Variants in KCNH2 observed in about 807,000 individuals in gnomAD.
KCNH2 encodes voltage-gated inwardly rectifying potassium channel KCNH2.
In KCNH2, 35 loss-of-function variants were observed where a neutral mutation model predicts 95.9. That is an observed-to-expected ratio of 0.37 (90% CI 0.28 to 0.48). KCNH2 has a LOEUF of 0.48. Among genes scored for constraint, KCNH2 ranks in the 20% least tolerant of loss-of-function variants. The pLI is 0.99. For missense variants in KCNH2, 1,274 were observed against 1,702.9 expected, an observed-to-expected ratio of 0.75 and a Z score of 4.43; for synonymous variants, 786 against 754.7, an observed-to-expected ratio of 1.04 and a Z score of -0.68.
chr7:150,955,800 C>T (rs1801353171), intron 5 of KCNH2: 2 of 1,161,866 alleles, frequency 1.7e-6, no homozygotes, highest in Non-Finnish European at 2.1e-6. Context: ...GCAGCGGCCG[C>T]ACTCGGAACC....
In KCNH2 at chr7:150,974,862, G is replaced by C. The variant is rs754921704; in HGVS notation, c.156C>G (p.Cys52Trp). The C allele has an allele frequency of 2.3e-5, 37 of 1,610,950 alleles. 1 individual carries two copies. The South Asian group carries it at 4.1e-4, about 18-fold the overall frequency. ...IYCNDGFCELCGYSRAEVMQR... is the reference protein window; with the variant it reads ...IYCNDGFCELWGYSRAEVMQR... Reference sequence around the variant, plus strand: ...GCATCACCTCGGCCCGCGAGTAGCCGCACAGCTCGCAGAAGCCGTCGTTGC... The same window carrying C: ...GCATCACCTCGGCCCGCGAGTAGCCCCACAGCTCGCAGAAGCCGTCGTTGC... Residue 52 changes from cysteine (C) to tryptophan (W), a missense_variant, in exon 2 of 15, where the codon TGC becomes TGG. This residue lies in a region of KCNH2 where 85 missense variants were observed against 174.7 expected (regional missense o/e 0.49). Coordinates refer to ENST00000262186, the MANE Select transcript of KCNH2 (RefSeq NM_000238.4).
chr7:150,945,729 GA>G lies in KCNH2; in HGVS notation c.3331-216del, dbSNP rs1800866088. On this transcript the variant is annotated intron_variant, in intron 14 of 14. Coordinates refer to ENST00000262186, the MANE Select transcript of KCNH2 (RefSeq NM_000238.4). This position sits in a 1 kb window ranked among gnomAD's most constrained non-coding sequence, Gnocchi z 5.6. ...GGGAGGCACCAAGGTGGGAAGTAGA[GA>G]AAGGCATTCTCTGAGAGCAGGAGCC... Among the ~76,000 whole-genome samples the G allele has an allele frequency of 6.6e-6, 1 of 152,194 alleles. No individual in the cohort carries two copies. Among genetic ancestry groups the G allele is most frequent in the South Asian group, 2.1e-4 (1 of 4,828 alleles).
intron 5 of KCNH2, among the ~76,000 whole-genome samples, chr7:150,956,374 C>G (rs978141766): frequency 2.6e-5 from 4 of 152,186 alleles, no homozygotes; most frequent in Non-Finnish European, 5.9e-5. Flanking sequence ...GGTAGCAGGG[C>G]AGCTCCCTTA....
chr7:150,958,048 G>A lies in KCNH2; in HGVS notation c.916+11C>T, dbSNP rs1801435899. 2 of 1,263,618 alleles carry A rather than the reference G, an allele frequency of 1.6e-6. No homozygotes were observed. The highest frequency in any genetic ancestry group is 2.0e-6 in the Non-Finnish European group (2 of 1,008,130). The allele number at this position is 1,263,618 out of a possible 1,614,324, so 78.3% of individuals were successfully genotyped here. On this transcript the variant is annotated intron_variant, in intron 4 of 14. Transcript: ENST00000262186. ...TGGGCTGGGGCGGAACGGGTCCCGC[G>A]GCGCCCTCACCGGTGCTGGCGTGGC...
At position 150,957,484 on chromosome 7, in the gene KCNH2, C is replaced by T. The variant is rs747313232; in HGVS notation, c.935G>A (p.Arg312His). The change falls in exon 5 of 15, where the codon CGC becomes CAC. Residue 312 changes from arginine (R) to histidine (H), a missense_variant. This residue lies in a region of KCNH2 where 392 missense variants were observed against 429.9 expected (regional missense o/e 0.91). Coordinates refer to ENST00000262186, the MANE Select transcript of KCNH2 (RefSeq NM_000238.4). Reference sequence around the variant, plus strand: ...CGAGGTGGAGTTGAGCAAGCCGCTGCGCAGTGGGTGCATGGCCCCTAGGTG... The same window carrying T: ...CGAGGTGGAGTTGAGCAAGCCGCTGTGCAGTGGGTGCATGGCCCCTAGGTG... ...HASTGAMHPLRSGLLNSTSDS... is the reference protein window; with the variant it reads ...HASTGAMHPLHSGLLNSTSDS... The T allele has an allele frequency of 2.5e-5, 40 of 1,613,634 alleles. No homozygotes were observed. The highest frequency in any genetic ancestry group is 6.7e-5 in the Admixed American group (4 of 60,010).
At position 150,949,408 on chromosome 7, in the gene KCNH2, A is replaced by ATTT. The variant is rs1035990140; in HGVS notation, c.2399-362_2399-360dup. On this transcript the variant is annotated intron_variant, in intron 9 of 14. Coordinates refer to ENST00000262186, the MANE Select transcript of KCNH2 (RefSeq NM_000238.4). ...AACACAGTAGTGAATCAAAACCAGCATTTTTTTTTTTTTTTTTTTTTTTTT... is the reference window on the plus strand; with the variant it reads ...AACACAGTAGTGAATCAAAACCAGCATTTTTTTTTTTTTTTTTTTTTTTTTTTT... The ATTT allele has an allele frequency of 5.8e-3, 2,172 of 374,372 alleles. 2 individuals are homozygous for ATTT. The highest frequency in any genetic ancestry group is 6.5e-3 in the Non-Finnish European group (1,840 of 281,600). 23.2% of individuals were successfully genotyped at this position (374,372 alleles called of 1,614,324 possible).
intron 2 of KCNH2, among the ~76,000 whole-genome samples, chr7:150,965,316 C>A (rs562761600): frequency 2.6e-5 from 4 of 152,300 alleles, no homozygotes; most frequent in Non-Finnish European, 5.9e-5. Flanking sequence ...ATGTGGCATG[C>A]CTGAGCCATC....
At chr7:150,951,370 G>A (rs997830394) in intron 7 of KCNH2, 78 bp downstream of exon 7, 2 of 1,577,084 alleles carry the variant, frequency 1.3e-6, no homozygotes, top group African/African-American at 1.3e-5. Flanking sequence ...CTCTGGCCCG[G>A]CTAGCAGCCT....
chr7:150,950,399 A>C lies in KCNH2; in HGVS notation c.2167T>G (p.Cys723Gly), dbSNP rs199472987. The change falls in exon 9 of 15, where the codon TGC (cysteine) becomes GGC (glycine). Residue 723 changes from cysteine (C) to glycine (G), a missense_variant. Cys to Gly is a radical substitution (Grantham distance 159). Transcript: ENST00000262186. ...TGCAGGCAGATGTCAGCCTGCAGGC[A>C]CTCAGGGAAGCCCTTCAGCACCTGG... ...MNAVLKGFPECLQADICLHLN... is the reference protein window; with the variant it reads ...MNAVLKGFPEGLQADICLHLN... The C allele has an allele frequency of 2.5e-6, 4 of 1,611,794 alleles. No homozygotes were observed. The highest frequency in any genetic ancestry group is 3.4e-6 in the Non-Finnish European group (4 of 1,179,874).
rs794728466 is a variant in KCNH2 at position 150,947,370 on chromosome 7, TCGCCCCGGGGC to T, written c.3099_3109del (p.Pro1034ArgfsTer81). ...GAGGGCATCCAGCCTGCTCTCCACG[TCGCCCCGGGGC>T]CGCCGACCCGGGCTGGAGAGGGGGA... On this transcript the variant is annotated frameshift_variant, in exon 13 of 15. Coordinates refer to ENST00000262186, the MANE Select transcript of KCNH2 (RefSeq NM_000238.4). LOFTEE classifies it high-confidence loss of function. 3.9e-6 allele frequency: 6 copies of T among 1,546,550 alleles called. No individual in the cohort carries two copies. Among genetic ancestry groups the T allele is most frequent in the Non-Finnish European group, 5.2e-6 (6 of 1,146,878 alleles).
At position 150,977,938 on chromosome 7, in the gene KCNH2, G is replaced by GGGCCCCCACCCACCCC; in HGVS notation, c.-41_-26dup. 1.9e-6 allele frequency: 3 copies of GGGCCCCCACCCACCCC among 1,559,016 alleles called. No homozygotes were observed. The highest frequency in any genetic ancestry group is 2.6e-6 in the Non-Finnish European group (3 of 1,151,512). ...TCCTGAGCCCATGGGCGGGCCGGGC[G>GGGCCCCCACCCACCCC]GGCCCCCACCCACCCCGGCCCGGCC... On this transcript the variant is annotated 5_prime_UTR_variant, in exon 1 of 15. Transcript: ENST00000262186.
intron 4 of KCNH2, among the ~76,000 whole-genome samples, chr7:150,957,714 G>A (rs1461836130): frequency 2.0e-5 from 3 of 152,218 alleles, no homozygotes; most frequent in Non-Finnish European, 2.9e-5. Context: ...CCAGGAAGAG[G>A]AAGAGGAAAC....
At position 150,957,309 on chromosome 7, in the gene KCNH2, G is replaced by T. The variant is rs1460270324; in HGVS notation, c.1110C>A (p.Val370=). 4 of 1,585,244 alleles carry T rather than the reference G, an allele frequency of 2.5e-6. No individual in the cohort carries two copies. The highest frequency in any genetic ancestry group is 2.3e-5 in the East Asian group (1 of 43,540). The part of the protein sequence containing the change: ...APKIKERTHN[V]TEKVTQVLSL... ...CGCCTACCTGGGTGACCTTCTCAGT[G>T]ACATTGTGGGTTCGCTCCTTTATCT... The change falls in exon 5 of 15, where the codon GTC becomes GTA. Residue 370 remains valine (V), a synonymous_variant. Transcript: ENST00000262186.
At chr7:150,963,600 C>A (rs551264208) in intron 2 of KCNH2, among the ~76,000 whole-genome samples, 4 of 151,716 alleles carry the variant, frequency 2.6e-5, no homozygotes, top group African/African-American at 9.7e-5. Flanking sequence ...GCCCCGACCC[C>A]ACTCCCACCC....
chr7:150,955,768 G>A, intron 5 of KCNH2: 1 of 1,225,904 alleles, frequency 8.2e-7, no homozygotes, highest in Non-Finnish European at 1.0e-6. Flanking sequence ...AGGGTGCCGT[G>A]CTCTGCCCGC....
chr7:150,945,567 G>T lies in KCNH2; in HGVS notation c.3331-53C>A. Reference sequence around the variant, plus strand: ...CGAAGAGGCCATGGAGGAGGAGGAAGGGGAGGGAAAGGGGCAGGAGAACCC... The same window carrying T: ...CGAAGAGGCCATGGAGGAGGAGGAATGGGAGGGAAAGGGGCAGGAGAACCC... On this transcript the variant is annotated intron_variant, in intron 14 of 14. Coordinates refer to ENST00000262186, the MANE Select transcript of KCNH2 (RefSeq NM_000238.4). The surrounding 1 kb of genome is among the most constrained non-coding windows in gnomAD (Gnocchi z 5.6). 6.5e-7 allele frequency: 1 copy of T among 1,544,082 alleles called. No homozygotes were observed. The highest frequency in any genetic ancestry group is 1.2e-5 in the South Asian group (1 of 84,004).
intron 2 of KCNH2, among the ~76,000 whole-genome samples, chr7:150,967,340 T>A (rs1202352483): frequency 6.6e-6 from 1 of 152,172 alleles, no homozygotes; most frequent in Non-Finnish European, 1.5e-5. Context: ...CAAATAGCTA[T>A]GTCAGCCTTT....
At chr7:150,957,575 A>G (rs1801419882) in intron 4 of KCNH2, 73 bp from the exon 5 acceptor site, 6 of 1,081,368 alleles carry the variant, frequency 5.5e-6, no homozygotes, top group Non-Finnish European at 8.4e-6. Context: ...ATAGATCGAG[A>G]GTGGAGACCA....
At chr7:150,964,870 AG>A (rs1801660045) in intron 2 of KCNH2, among the ~76,000 whole-genome samples, 1 of 152,292 alleles carries the variant, frequency 6.6e-6, no homozygotes, top group Non-Finnish European at 1.5e-5. Flanking sequence ...TGGCGGCGAC[AG>A]GAAGATGCAG....
Sources: gnomAD v4.1 joint callset for allele counts (sites outside exome capture counted in the v4.1 genomes callset) on GRCh38, gnomAD v4.1.1 for gene constraint, gnomAD v4.1.1 regional missense constraint, Gnocchi (gnomAD v3.1) non-coding constraint, MANE v1.5 for transcripts, NCBI Gene and HGNC (gene_info 2026-07-23, HGNC 2026-07-21) for gene names.